The following GRM3 variants were observed in gnomAD, a reference collection of about 807,000 sequenced individuals.
GRM3 encodes glutamate metabotropic receptor 3.
Under a neutral mutation model 70.5 loss-of-function variants are expected in GRM3, and 26 were observed. The observed-to-expected ratio is 0.37, with a 90% CI of 0.27 to 0.51. The LOEUF (loss-of-function observed/expected upper bound fraction) is 0.51. GRM3 is among the 20% of genes least tolerant of loss of function. GRM3 has a pLI of 0.93. For missense variants in GRM3, 859 were observed against 1,123.8 expected, an observed-to-expected ratio of 0.76 and a Z score of 3.37; for synonymous variants, 443 against 434.9, an observed-to-expected ratio of 1.02 and a Z score of -0.23.
chr7:86,861,435 T>C (rs373348728), intron 5 of GRM3, among the ~76,000 whole-genome samples: 3 of 152,114 alleles, frequency 2.0e-5, no homozygotes, highest in African/African-American at 7.2e-5. Context: ...AAAATAATAA[T>C]AAGCAAGAAA....
At chr7:86,731,214 T>C (rs1227670419) in intron 1 of GRM3, among the ~76,000 whole-genome samples, 2 of 152,210 alleles carry the variant, frequency 1.3e-5, no homozygotes, top group Non-Finnish European at 2.9e-5. Flanking sequence ...ACTGAATTCA[T>C]CATATTACCT....
At position 86,821,964 on chromosome 7, in the gene GRM3, A is replaced by G. The variant is rs1210432329; in HGVS notation, c.1325-16875A>G. Among the ~76,000 whole-genome samples, 3 of 150,514 alleles carry G rather than the reference A, an allele frequency of 2.0e-5. No individual in the cohort carries two copies. The South Asian group carries it at 6.3e-4, about 31-fold the overall frequency. ...AACTTTTTTTTTTTTTTGAGAACAGATTTTGTATAAAACATTGTTCAAAGA... is the reference window on the plus strand; with the variant it reads ...AACTTTTTTTTTTTTTTGAGAACAGGTTTTGTATAAAACATTGTTCAAAGA... On this transcript the variant is annotated intron_variant, in intron 3 of 5. Transcript: ENST00000361669.
intron 1 of GRM3, among the ~76,000 whole-genome samples, chr7:86,691,058 C>T (rs1396928209): frequency 6.6e-6 from 1 of 152,056 alleles, no homozygotes; most frequent in Non-Finnish European, 1.5e-5. Context: ...CTACCATTTC[C>T]TAGTTGCCCA....
chr7:86,750,576 A>C (rs1374702814), intron 1 of GRM3, among the ~76,000 whole-genome samples: 1 of 152,076 alleles, frequency 6.6e-6, no homozygotes, highest in Non-Finnish European at 1.5e-5. Context: ...GGATAAAATC[A>C]TTGAAACTGG....
At chr7:86,767,514 C>CATTT (rs1796630223) in intron 2 of GRM3, among the ~76,000 whole-genome samples, 1 of 100,132 alleles carries the variant, frequency 1.0e-5, no homozygotes, top group Non-Finnish European at 2.2e-5. Flanking sequence ...GGTCATACTT[C>CATTT]ATATATATAT....
At chr7:86,646,735 A>G (rs1485759029) in intron 1 of GRM3, among the ~76,000 whole-genome samples, 1 of 152,120 alleles carries the variant, frequency 6.6e-6, no homozygotes, top group African/African-American at 2.4e-5. Flanking sequence ...CTTGAAACAG[A>G]TGTCTTTCTA....
At chr7:86,779,395 C>T (rs1170977738) in intron 2 of GRM3, among the ~76,000 whole-genome samples, 1 of 152,060 alleles carries the variant, frequency 6.6e-6, no homozygotes, top group Non-Finnish European at 1.5e-5. Flanking sequence ...GTCAGCTTCC[C>T]CGTCGTGTGT....
intron 3 of GRM3, among the ~76,000 whole-genome samples, chr7:86,810,445 C>T (rs1462273559): frequency 1.3e-5 from 2 of 151,928 alleles, no homozygotes; most frequent in South Asian, 2.1e-4. Flanking sequence ...CTCATGTCAT[C>T]GGGAGTTTTA....
chr7:86,836,781 T>C (rs1310712505), intron 3 of GRM3, among the ~76,000 whole-genome samples: 2 of 152,240 alleles, frequency 1.3e-5, no homozygotes, highest in African/African-American at 2.4e-5. Flanking sequence ...TAACATGTTA[T>C]ATGATTTATC....
intron 1 of GRM3, among the ~76,000 whole-genome samples, chr7:86,679,897 A>C (rs796083743): frequency 6.6e-6 from 1 of 152,156 alleles, no homozygotes; most frequent in South Asian, 2.1e-4. Context: ...ATTTAAATAA[A>C]AAATATATTC....
chr7:86,766,767 C>G (rs761094188), intron 2 of GRM3, among the ~76,000 whole-genome samples: 2 of 152,104 alleles, frequency 1.3e-5, no homozygotes, highest in African/African-American at 4.8e-5. Flanking sequence ...ATACACTTTG[C>G]CTCCCACCAA....
intron 1 of GRM3, among the ~76,000 whole-genome samples, chr7:86,728,413 A>G (rs538307377): frequency 8.5e-5 from 13 of 152,358 alleles, no homozygotes; most frequent in African/African-American, 2.9e-4. Flanking sequence ...TCACTTTCTT[A>G]GTCTACTAGA....
chr7:86,844,688 G>C (rs150091775), intron 4 of GRM3, among the ~76,000 whole-genome samples: 8 of 152,268 alleles, frequency 5.3e-5, no homozygotes, highest in African/African-American at 1.4e-4. Flanking sequence ...TAACAATGGA[G>C]ATGGTTAGAA....
intron 1 of GRM3, among the ~76,000 whole-genome samples, chr7:86,709,265 G>A (rs1269726681): frequency 6.6e-6 from 1 of 151,856 alleles, no homozygotes; most frequent in Non-Finnish European, 1.5e-5. Context: ...TAACCGCAAT[G>A]AGTTCCCCTA....
At chr7:86,807,560 G>A (rs948365270) in intron 3 of GRM3, among the ~76,000 whole-genome samples, 2 of 151,840 alleles carry the variant, frequency 1.3e-5, no homozygotes, top group Non-Finnish European at 2.9e-5. Context: ...TGTTATTGGT[G>A]TATAGGAATG....
At chr7:86,798,535 A>AC (rs1273812135) in intron 3 of GRM3, among the ~76,000 whole-genome samples, 1 of 152,046 alleles carries the variant, frequency 6.6e-6, no homozygotes, top group South Asian at 2.1e-4. Context: ...AAATGCCTGT[A>AC]CCCCCATTGT....
intron 3 of GRM3, among the ~76,000 whole-genome samples, chr7:86,793,570 C>G (rs1414582242): frequency 6.6e-6 from 1 of 152,326 alleles, no homozygotes; most frequent in East Asian, 1.9e-4. Flanking sequence ...TCCCCCTTCT[C>G]TCTGGTCAGC....
chr7:86,717,693 A>G (rs374978558), intron 1 of GRM3, among the ~76,000 whole-genome samples: 85 of 152,042 alleles, frequency 5.6e-4, no homozygotes, highest in African/African-American at 2.0e-3. Flanking sequence ...GAAGTGGGAA[A>G]TCCTCCGTGT....
intron 4 of GRM3, among the ~76,000 whole-genome samples, chr7:86,846,249 C>A (rs1048187347): frequency 3.3e-5 from 5 of 152,150 alleles, no homozygotes; most frequent in Admixed American, 1.3e-4. Context: ...ACTCTGAATC[C>A]TTTGACTGTC....
Sources: allele counts gnomAD v4.1 joint callset (sites outside exome capture counted in the v4.1 genomes callset), GRCh38; gene constraint gnomAD v4.1.1; transcripts MANE v1.5; gene names NCBI Gene and HGNC (gene_info 2026-07-23, HGNC 2026-07-21).